Variants in BANK1 observed in about 807,000 individuals in gnomAD.
BANK1 encodes the protein B-cell scaffold protein with ankyrin repeats.
Under a neutral mutation model 94.5 loss-of-function variants are expected in BANK1, and 95 were observed. That is an observed-to-expected ratio of 1.00 (90% CI 0.85 to 1.19). The LOEUF (loss-of-function observed/expected upper bound fraction) is 1.19. BANK1 is among the 50% of genes most tolerant of loss of function. BANK1 has a pLI of 0.00. For missense variants in BANK1, 987 were observed against 932.2 expected, an observed-to-expected ratio of 1.06 and a Z score of -0.77; for synonymous variants, 334 against 308.4, an observed-to-expected ratio of 1.08 and a Z score of -0.87.
At chr4:101,953,587 TATG>T (rs1334442454) in intron 7 of BANK1, among the ~76,000 whole-genome samples, 5 of 152,034 alleles carry the variant, frequency 3.3e-5, no homozygotes, top group Non-Finnish European at 7.4e-5. Flanking sequence ...CACAAAAAAT[TATG>T]ATGCTAAGTA....
intron 7 of BANK1, among the ~76,000 whole-genome samples, chr4:101,991,502 T>C (rs1014064722): frequency 8.5e-5 from 13 of 152,122 alleles, no homozygotes; most frequent in Admixed American, 3.9e-4. Flanking sequence ...TAAAAAGATA[T>C]AGAGATAAAG....
At chr4:101,839,251 A>G (rs1466231043) in intron 2 of BANK1, among the ~76,000 whole-genome samples, 1 of 152,132 alleles carries the variant, frequency 6.6e-6, no homozygotes, top group Non-Finnish European at 1.5e-5. Flanking sequence ...CCATTTTATA[A>G]GTTGCATAAT....
At chr4:101,929,246 G>C (rs956593109) in intron 7 of BANK1, among the ~76,000 whole-genome samples, 2 of 151,590 alleles carry the variant, frequency 1.3e-5, no homozygotes, top group African/African-American at 4.8e-5. Context: ...GTTGGTGAGG[G>C]AGGGAGAAAG....
intron 1 of BANK1, among the ~76,000 whole-genome samples, chr4:101,807,055 CG>C (rs1333243599): frequency 1.3e-5 from 2 of 152,116 alleles, no homozygotes; most frequent in African/African-American, 4.8e-5. Context: ...CTTTAGCAAC[CG>C]GGGGTGACTA....
intron 7 of BANK1, among the ~76,000 whole-genome samples, chr4:101,978,765 C>A (rs1303687331): frequency 6.6e-6 from 1 of 151,862 alleles, no homozygotes; most frequent in African/African-American, 2.4e-5. Flanking sequence ...CAGATTTTTG[C>A]TTAAAATATC....
At chr4:102,029,248 T>A (rs1727201703) in intron 9 of BANK1, among the ~76,000 whole-genome samples, 1 of 152,172 alleles carries the variant, frequency 6.6e-6, no homozygotes, top group Non-Finnish European at 1.5e-5. Context: ...GCTGCATTTC[T>A]GAAGGTCAGT....
intron 11 of BANK1, among the ~76,000 whole-genome samples, chr4:102,058,702 TAA>T (rs202223180): frequency 3.6e-5 from 5 of 138,674 alleles, no homozygotes; most frequent in Admixed American, 7.3e-5. Context: ...TCTTTACTCT[TAA>T]AAAAAAAAAA....
At chr4:101,945,714 C>A (rs1302635481) in intron 7 of BANK1, among the ~76,000 whole-genome samples, 2 of 151,838 alleles carry the variant, frequency 1.3e-5, no homozygotes, top group African/African-American at 4.8e-5. Flanking sequence ...GTATTTAGAA[C>A]CACGTCTGGC....
At chr4:101,866,780 GATAGACTGGATTAAGAAAATGTGGCAC>G (rs1728086068) in intron 4 of BANK1, among the ~76,000 whole-genome samples, 1 of 83,432 alleles carries the variant, frequency 1.2e-5, no homozygotes, top group South Asian at 3.8e-4. Context: ...GTCCAACAAT[GATAGACTGGATTAAGAAAATGTGGCAC>G]ATATACACCA....
intron 11 of BANK1, among the ~76,000 whole-genome samples, chr4:102,057,935 T>A (rs1419189073): frequency 6.6e-6 from 1 of 152,186 alleles, no homozygotes; most frequent in Admixed American, 6.5e-5. Flanking sequence ...TTAAAATTTC[T>A]TTTCATGCTT....
At chr4:101,841,383 A>G (rs1727037208) in intron 2 of BANK1, among the ~76,000 whole-genome samples, 1 of 152,180 alleles carries the variant, frequency 6.6e-6, no homozygotes, top group African/African-American at 2.4e-5. Context: ...AAAGCAAGGC[A>G]TAAATTATAA....
chr4:101,835,459 A>G (rs1276183971), intron 2 of BANK1, among the ~76,000 whole-genome samples: 1 of 152,220 alleles, frequency 6.6e-6, no homozygotes, highest in Non-Finnish European at 1.5e-5. Context: ...ATTAACAGGA[A>G]AAACTTCTCT....
intron 6 of BANK1, among the ~76,000 whole-genome samples, chr4:101,896,657 A>G (rs1722090203): frequency 6.6e-6 from 1 of 151,980 alleles, no homozygotes; most frequent in African/African-American, 2.4e-5. Flanking sequence ...GAAAAGGAGC[A>G]TATGATTCTT....
Position 102,025,386 on chromosome 4 carries a change from A to G in BANK1, c.1471A>G (p.Ile491Val), listed in dbSNP as rs1727052089. The change falls in exon 9 of 17, where the codon ATT (isoleucine) becomes GTT (valine). Residue 491 changes from isoleucine to valine, a missense_variant. Transcript: ENST00000322953. ...EDQYDDLYVF[I>V]PGADPENNSQ... The stretch of plus-strand genomic sequence containing the variant: ...CCAGTATGATGACTTGTATGTGTTC[A>G]TTCCTGGTGCTGATCCAGAAAATAA... 1.2e-6 allele frequency: 2 copies of G among 1,614,138 alleles called. No individual in the cohort carries two copies. The highest frequency in any genetic ancestry group is 8.5e-7 in the Non-Finnish European group (1 of 1,180,028).
intron 7 of BANK1, among the ~76,000 whole-genome samples, chr4:101,997,405 T>G (rs1234413554): frequency 6.6e-6 from 1 of 152,162 alleles, no homozygotes; most frequent in African/African-American, 2.4e-5. Flanking sequence ...TTTTGTTGTG[T>G]CTCTGCCAGG....
intron 7 of BANK1, among the ~76,000 whole-genome samples, chr4:101,969,396 A>G (rs1724872581): frequency 6.6e-6 from 1 of 152,144 alleles, no homozygotes; most frequent in South Asian, 2.1e-4. Flanking sequence ...AAAAGTTTGC[A>G]TAATGAGAAA....
intron 1 of BANK1, among the ~76,000 whole-genome samples, chr4:101,807,710 A>C (rs1725604929): frequency 6.6e-6 from 1 of 152,116 alleles, no homozygotes; most frequent in Admixed American, 6.5e-5. Flanking sequence ...TCCACGTGTT[A>C]CAAGCAGGAA....
intron 2 of BANK1, among the ~76,000 whole-genome samples, chr4:101,842,895 T>C (rs1727106476): frequency 6.6e-6 from 1 of 152,236 alleles, no homozygotes; most frequent in Non-Finnish European, 1.5e-5. Context: ...ATTTAACATA[T>C]TTAATGTCTT....
At chr4:101,807,883 C>A (rs576117457) in intron 1 of BANK1, among the ~76,000 whole-genome samples, 1 of 151,948 alleles carries the variant, frequency 6.6e-6, no homozygotes, top group African/African-American at 2.4e-5. Context: ...GAGTTCAAGA[C>A]CAGCCTGGCC....
Sources: allele counts gnomAD v4.1 joint callset (sites outside exome capture counted in the v4.1 genomes callset), GRCh38; gene constraint gnomAD v4.1.1; transcripts MANE v1.5; gene names NCBI Gene and HGNC (gene_info 2026-07-23, HGNC 2026-07-21).